The following SYN3 variants were observed in gnomAD, a reference collection of about 807,000 sequenced individuals.
SYN3 encodes the protein synapsin-3.
SYN3 carries 35 observed loss-of-function variants against 65.8 expected under a neutral mutation model. The ratio of observed to expected loss-of-function variants is 0.53; its 90% CI spans 0.41 to 0.70. The LOEUF (loss-of-function observed/expected upper bound fraction) is 0.70, where lower values mean the gene tolerates loss of function less well. Among genes scored for constraint, SYN3 ranks in the 30% least tolerant of loss-of-function variants. The probability of loss-of-function intolerance (pLI) is 0.00; values close to 1 mark genes in which losing one functional copy is unlikely to be tolerated. For missense variants in SYN3, 680 were observed against 749.0 expected (o/e 0.91, Z 1.08); for synonymous variants, 270 against 292.9 (o/e 0.92, Z 0.80).
rs1374977879 is a variant in SYN3, at chr22:32,509,023, T to G, written c.*4669A>C. Among the ~76,000 whole-genome samples, 11 of 152,210 alleles carry G rather than the reference T, an allele frequency of 7.2e-5. No individual in the cohort carries two copies. Among genetic ancestry groups the G allele is most frequent in the Non-Finnish European group, 1.5e-5 (1 of 68,046 alleles). ...TGAATGTATCTGAATATTAGTTAAT[T>G]CAGCAGGGACGGAATGTTAGGCTAG... On this transcript the variant is annotated 3_prime_UTR_variant, in exon 14 of 14. Transcript: ENST00000358763.
At position 32,900,024 on chromosome 22, in the gene SYN3, C is replaced by A. The variant is rs1199775413; in HGVS notation, c.462-30899G>T. On this transcript the variant is annotated intron_variant, in intron 4 of 13. Coordinates refer to ENST00000358763, the MANE Select transcript of SYN3 (RefSeq NM_003490.4). ...CGGAGCTTGCGGTGAGCCGAGATTG[C>A]GCCACTGCAGTCCGCAGTCCGGCCT... Among the ~76,000 whole-genome samples, 2 of 1,454 alleles carry A rather than the reference C, an allele frequency of 1.4e-3. 1 individual carries two copies. The highest frequency in any genetic ancestry group is 2.5e-3 in the Non-Finnish European group (2 of 816). The allele number at this position is 1,454 out of a possible 152,430, so 1.0% of individuals were successfully genotyped here.
chr22:32,617,097 C>A (rs1432166265), intron 6 of SYN3, among the ~76,000 whole-genome samples: 1 of 152,162 alleles, frequency 6.6e-6, no homozygotes, highest in Non-Finnish European at 1.5e-5. Context: ...CAAATGAGGG[C>A]AGACATACAA....
chr22:32,901,068 C>A (rs550833987), intron 4 of SYN3, among the ~76,000 whole-genome samples: 1 of 152,142 alleles, frequency 6.6e-6, no homozygotes, highest in Non-Finnish European at 1.5e-5. Context: ...AATTTGCAGT[C>A]TTTAATGCTG....
chr22:32,515,713 G>A (rs1023946122), intron 13 of SYN3, among the ~76,000 whole-genome samples: 3 of 152,084 alleles, frequency 2.0e-5, no homozygotes, highest in African/African-American at 7.2e-5. Flanking sequence ...TATTTGTGAT[G>A]GATTAGTTAG....
At chr22:32,543,634 G>A (rs1273828089) in intron 7 of SYN3, among the ~76,000 whole-genome samples, 1 of 152,152 alleles carries the variant, frequency 6.6e-6, no homozygotes, top group Non-Finnish European at 1.5e-5. Context: ...GGCCTTCTAA[G>A]CCCTTGGTTT....
At chr22:32,689,479 T>G (rs2147147985) in intron 6 of SYN3, among the ~76,000 whole-genome samples, 1 of 152,326 alleles carries the variant, frequency 6.6e-6, no homozygotes, top group African/African-American at 2.4e-5. Context: ...CTCTGTGATC[T>G]TCTCCTGCTC....
intron 6 of SYN3, among the ~76,000 whole-genome samples, chr22:32,640,028 G>C (rs1270229621): frequency 6.6e-6 from 1 of 152,160 alleles, no homozygotes; most frequent in Admixed American, 6.5e-5. Flanking sequence ...CTGCAAAACT[G>C]TTCTCTCCAC....
At chr22:32,658,199 G>A (rs2146986516) in intron 6 of SYN3, among the ~76,000 whole-genome samples, 1 of 152,334 alleles carries the variant, frequency 6.6e-6, no homozygotes, top group Middle Eastern at 3.4e-3. Context: ...TAGGGTGAGG[G>A]CAGGGGGGCT....
intron 6 of SYN3, among the ~76,000 whole-genome samples, chr22:32,670,846 G>GTCC (rs1287846058): frequency 6.6e-6 from 1 of 152,348 alleles, no homozygotes; most frequent in East Asian, 1.9e-4. Flanking sequence ...GAGTAATGAG[G>GTCC]TAAGTGTGGG....
intron 12 of SYN3, chr22:32,518,571 A>G (rs1191119513): frequency 1.5e-5 from 10 of 671,708 alleles, no homozygotes; most frequent in Non-Finnish European, 2.7e-5. Flanking sequence ...ACTAAATGAC[A>G]CAGGATACTG....
At chr22:33,001,159 T>G (rs1225649882) in intron 2 of SYN3, among the ~76,000 whole-genome samples, 1 of 152,088 alleles carries the variant, frequency 6.6e-6, no homozygotes, top group African/African-American at 2.4e-5. Context: ...TTTCACCCAC[T>G]GAGGGGCAAG....
chr22:32,823,006 A>G (rs1398658214), intron 6 of SYN3, among the ~76,000 whole-genome samples: 1 of 152,168 alleles, frequency 6.6e-6, no homozygotes, highest in Non-Finnish European at 1.5e-5. Context: ...TATACTAAAT[A>G]TCAACACTAG....
chr22:32,621,388 G>A (rs754068561), intron 6 of SYN3, among the ~76,000 whole-genome samples: 3 of 151,416 alleles, frequency 2.0e-5, no homozygotes, highest in African/African-American at 7.3e-5. Flanking sequence ...AACCAGGAAC[G>A]TATGCTCCAA....
At chr22:33,044,303 C>T (rs1164189330) in intron 1 of SYN3, among the ~76,000 whole-genome samples, 1 of 152,192 alleles carries the variant, frequency 6.6e-6, no homozygotes, top group Non-Finnish European at 1.5e-5. Flanking sequence ...TAGCTTTCCT[C>T]AAACATGCCT....
At chr22:32,643,343 G>T (rs1435745455) in intron 6 of SYN3, among the ~76,000 whole-genome samples, 2 of 152,086 alleles carry the variant, frequency 1.3e-5, no homozygotes, top group Non-Finnish European at 2.9e-5. Flanking sequence ...CTGCCAAAGT[G>T]CTGGGATTAC....
intron 6 of SYN3, among the ~76,000 whole-genome samples, chr22:32,698,084 T>C (rs1039357471): frequency 6.6e-6 from 1 of 152,270 alleles, no homozygotes; most frequent in Non-Finnish European, 1.5e-5. Context: ...TAAACACTTA[T>C]TGTTTGTTGT....
At chr22:32,538,871 G>T (rs1333962453) in intron 8 of SYN3, among the ~76,000 whole-genome samples, 1 of 152,122 alleles carries the variant, frequency 6.6e-6, no homozygotes, top group African/African-American at 2.4e-5. Context: ...CTTCTCTGAT[G>T]GAGGAGAATC....
In SYN3 at chr22:32,513,637, G is replaced by GGC; in HGVS notation, c.*53_*54dup. On this transcript the variant is annotated 3_prime_UTR_variant, in exon 14 of 14. Transcript: ENST00000358763. The stretch of plus-strand genomic sequence containing the variant: ...GAACCAAGGCTGAGAAGGAAGATGA[G>GGC]GCAGGAGGGGGACGAGTGTAGCAGA... The GGC allele has an allele frequency of 1.3e-6, 2 of 1,595,484 alleles. No individual in the cohort carries two copies. The highest frequency in any genetic ancestry group is 2.2e-5 in the South Asian group (2 of 89,202).
chr22:32,623,263 T>C (rs1329526765), intron 6 of SYN3, among the ~76,000 whole-genome samples: 1 of 152,096 alleles, frequency 6.6e-6, no homozygotes, highest in Non-Finnish European at 1.5e-5. Context: ...CATTACTCAC[T>C]TCAGTCTTAA....
Sources: gnomAD v4.1 joint callset for allele counts (sites outside exome capture counted in the v4.1 genomes callset) on GRCh38, gnomAD v4.1.1 for gene constraint, MANE v1.5 for transcripts, NCBI Gene and HGNC (gene_info 2026-07-23, HGNC 2026-07-21) for gene names.